Variants in ENOX1 observed in about 807,000 individuals in gnomAD.
ENOX1 encodes ecto-NOX disulfide-thiol exchanger 1.
ENOX1 carries 42 observed loss-of-function variants against 82.5 expected under a neutral mutation model. That is an observed-to-expected ratio of 0.51 (90% CI 0.40 to 0.66). ENOX1 has a LOEUF of 0.66. ENOX1 is among the 30% of genes least tolerant of loss of function. The pLI is 0.00. For missense variants in ENOX1, 608 were observed against 811.6 expected (o/e 0.75, Z 3.05); for synonymous variants, 271 against 282.2 (o/e 0.96, Z 0.40).
At chr13:43,634,727 T>A (rs1285747331) in intron 2 of ENOX1, among the ~76,000 whole-genome samples, 1 of 152,202 alleles carries the variant, frequency 6.6e-6, no homozygotes, top group Non-Finnish European at 1.5e-5. Context: ...TATCTTTTTA[T>A]GTCATCATGG....
At chr13:43,647,968 T>C (rs1348087038) in intron 2 of ENOX1, among the ~76,000 whole-genome samples, 1 of 152,164 alleles carries the variant, frequency 6.6e-6, no homozygotes, top group Non-Finnish European at 1.5e-5. Flanking sequence ...AAGGAATGTG[T>C]GTGACCTGTA....
At chr13:43,442,694 G>T (rs2056425607) in intron 3 of ENOX1, among the ~76,000 whole-genome samples, 1 of 152,088 alleles carries the variant, frequency 6.6e-6, no homozygotes, top group South Asian at 2.1e-4. Context: ...TTATGCCTAG[G>T]GTCCTTTTCC....
intron 3 of ENOX1, among the ~76,000 whole-genome samples, chr13:43,448,758 A>G (rs892757962): frequency 4.6e-5 from 7 of 152,198 alleles, no homozygotes; most frequent in Non-Finnish European, 1.0e-4. Context: ...TAATTCATGC[A>G]TCAGCACACT....
chr13:43,716,003 T>C (rs2088099894), intron 1 of ENOX1, among the ~76,000 whole-genome samples: 1 of 152,270 alleles, frequency 6.6e-6, no homozygotes, highest in African/African-American at 2.4e-5. Flanking sequence ...TTGGTTTGAA[T>C]TTCCTCCTGT....
chr13:43,341,233 T>C (rs547935249), intron 9 of ENOX1, among the ~76,000 whole-genome samples: 134 of 151,424 alleles, frequency 8.8e-4, no homozygotes, highest in African/African-American at 3.1e-3. Context: ...GAGGCAGAGG[T>C]TGCAGTGAGC....
At chr13:43,705,869 A>G (rs299327) in intron 1 of ENOX1, among the ~76,000 whole-genome samples, 1 of 152,172 alleles carries the variant, frequency 6.6e-6, no homozygotes, top group East Asian at 1.9e-4. Context: ...TATAGTACAC[A>G]TTCTTGTCCA....
chr13:43,725,226 A>G lies in ENOX1; in HGVS notation c.-284-57682T>C, dbSNP rs532205140. ...TTTACTTTTAAATCCTGCTTTTAAGAGGAAACCAAATAGGGTCTCCCTTCC... is the reference window on the plus strand; with the variant it reads ...TTTACTTTTAAATCCTGCTTTTAAGGGGAAACCAAATAGGGTCTCCCTTCC... On this transcript the variant is annotated intron_variant, in intron 1 of 16. Coordinates refer to ENST00000690772, the MANE Select transcript of ENOX1 (RefSeq NM_001347969.2). Among the ~76,000 whole-genome samples, 14 of 152,332 alleles carry G rather than the reference A, an allele frequency of 9.2e-5. No homozygotes were observed. In the East Asian group the frequency reaches 2.3e-3, roughly 25 times the overall value.
At position 43,608,821 on chromosome 13, in the gene ENOX1, C is replaced by T. The variant is rs139094455; in HGVS notation, c.-219+58658G>A. Reference sequence around the variant, plus strand: ...AGCCATCAGTGAGGTATACAGGTAGCAACAGCTGAAGACCTTTCCTGTCGG... The same window carrying T: ...AGCCATCAGTGAGGTATACAGGTAGTAACAGCTGAAGACCTTTCCTGTCGG... On this transcript the variant is annotated intron_variant, in intron 2 of 16. Coordinates refer to ENST00000690772, the MANE Select transcript of ENOX1 (RefSeq NM_001347969.2). Among the ~76,000 whole-genome samples, 4 of 152,302 alleles carry T rather than the reference C, an allele frequency of 2.6e-5. No individual in the cohort carries two copies. The East Asian group carries it at 7.7e-4, about 29-fold the overall frequency.
chr13:43,470,319 CAT>C (rs1555289903), intron 3 of ENOX1, among the ~76,000 whole-genome samples: 782 of 37,472 alleles, frequency 0.021, 100 homozygotes, highest in South Asian at 0.032. Flanking sequence ...TATATATACA[CAT>C]ATATATATGT....
rs775702271 is a variant in ENOX1 at position 43,326,023 on chromosome 13, C to T, written c.1143+396G>A. Among the ~76,000 whole-genome samples, 8 of 151,744 alleles carry T rather than the reference C, an allele frequency of 5.3e-5. No homozygotes were observed. In the East Asian group the frequency reaches 9.6e-4, roughly 18 times the overall value. Reference sequence around the variant, plus strand: ...TGATAAGAAAATATGGACGGAAAGGCGTACTTGTCCAAAGAGCAAACTGTC... The same window carrying T: ...TGATAAGAAAATATGGACGGAAAGGTGTACTTGTCCAAAGAGCAAACTGTC... On this transcript the variant is annotated intron_variant, in intron 10 of 16. Transcript: ENST00000690772.
intron 2 of ENOX1, among the ~76,000 whole-genome samples, chr13:43,513,464 C>T (rs1593572862): frequency 6.6e-6 from 1 of 152,094 alleles, no homozygotes; most frequent in Non-Finnish European, 1.5e-5. Context: ...GGTCACTCTT[C>T]TATGATCATT....
intron 3 of ENOX1, among the ~76,000 whole-genome samples, chr13:43,434,948 T>G (rs1185461164): frequency 1.4e-5 from 2 of 146,376 alleles, no homozygotes; most frequent in Non-Finnish European, 1.5e-5. Context: ...TTTTTTTTTT[T>G]TTTTTTTTTT....
chr13:43,605,995 A>C (rs1034863050), intron 2 of ENOX1, among the ~76,000 whole-genome samples: 1 of 152,210 alleles, frequency 6.6e-6, no homozygotes, highest in Non-Finnish European at 1.5e-5. Context: ...AAATGGGCAA[A>C]AGATCTGAAT....
chr13:43,483,825 T>C (rs1248998127), intron 3 of ENOX1, among the ~76,000 whole-genome samples, 184 bp downstream of exon 3: 1 of 152,176 alleles, frequency 6.6e-6, no homozygotes, highest in African/African-American at 2.4e-5. Context: ...AGGGTATACA[T>C]AAATAAGTAT....
chr13:43,576,095 A>T (rs955291242), intron 2 of ENOX1, among the ~76,000 whole-genome samples: 1 of 152,248 alleles, frequency 6.6e-6, no homozygotes. Context: ...GTTAAGAATT[A>T]AGGAAAAGGA....
intron 5 of ENOX1, among the ~76,000 whole-genome samples, chr13:43,362,394 T>C (rs1022738916): frequency 1.3e-5 from 2 of 152,144 alleles, no homozygotes; most frequent in Non-Finnish European, 1.5e-5. Flanking sequence ...AAAAGTCTCA[T>C]GGGTGGCGTG....
chr13:43,292,775 C>CT (rs1333446918), intron 12 of ENOX1, among the ~76,000 whole-genome samples: 1 of 129,510 alleles, frequency 7.7e-6, no homozygotes, highest in African/African-American at 2.6e-5. Flanking sequence ...GCCACTATGG[C>CT]CCCTTCACCA....
At chr13:43,227,929 A>C (rs1455829344) in intron 15 of ENOX1, among the ~76,000 whole-genome samples, 1 of 151,944 alleles carries the variant, frequency 6.6e-6, no homozygotes, top group Non-Finnish European at 1.5e-5. Context: ...CCTCCCCGGT[A>C]CCTTGCCTCT....
At chr13:43,515,251 G>T (rs761523081) in intron 2 of ENOX1, among the ~76,000 whole-genome samples, 5 of 152,102 alleles carry the variant, frequency 3.3e-5, no homozygotes, top group Non-Finnish European at 5.9e-5. Flanking sequence ...ATCGCTGTGG[G>T]TGATTTTTAA....
Sources: allele counts gnomAD v4.1 joint callset (sites outside exome capture counted in the v4.1 genomes callset), GRCh38; gene constraint gnomAD v4.1.1; transcripts MANE v1.5; gene names NCBI Gene and HGNC (gene_info 2026-07-23, HGNC 2026-07-21).